Variants in TICRR observed in about 807,000 individuals in gnomAD.
The protein encoded by TICRR is treslin.
Under a neutral mutation model 178.1 loss-of-function variants are expected in TICRR, and 132 were observed. The observed-to-expected ratio is 0.74, with a 90% CI of 0.64 to 0.86. The LOEUF is 0.86. Ranked by LOEUF, TICRR falls within the 40% of genes least tolerant of loss-of-function variation. The pLI, the probability that TICRR is intolerant of heterozygous loss-of-function variation, is 0.00. For missense variants in TICRR, 2,587 were observed against 2,334.3 expected (o/e 1.11, Z -2.23); for synonymous variants, 991 against 900.7 (o/e 1.10, Z -1.79).
At chr15:89,594,625 T>C (rs1962966511) in intron 6 of TICRR, 71 bp downstream of exon 6, 2 of 1,356,872 alleles carry the variant, frequency 1.5e-6, no homozygotes, top group East Asian at 5.0e-5. Flanking sequence ...GATGGGCATT[T>C]CCTGAAATGA....
intron 15 of TICRR, among the ~76,000 whole-genome samples, chr15:89,609,942 T>G (rs1022900700): frequency 6.6e-6 from 1 of 152,240 alleles, no homozygotes; most frequent in Non-Finnish European, 1.5e-5. Flanking sequence ...ATGATTTGTT[T>G]TTGTTTTCAT....
chr15:89,618,729 G>T (rs1372774007), intron 17 of TICRR, among the ~76,000 whole-genome samples: 7 of 152,248 alleles, frequency 4.6e-5, no homozygotes, highest in Admixed American at 4.6e-4. Flanking sequence ...GGGAAGCCAA[G>T]TGGGGAGGAT....
In TICRR at chr15:89,618,180, G is replaced by A. The variant is rs1567050554; in HGVS notation, c.2989G>A (p.Val997Ile). ...RSSDPGPDIGVVEESPEKGDE... is the reference protein window; with the variant it reads ...RSSDPGPDIGIVEESPEKGDE... ...CTCTGATCCTGGTCCTGATATTGGT[G>A]TTGTTGAAGAGTCCCCTGAAAAAGG... Residue 997 changes from valine (V) to isoleucine (I), a missense_variant, in exon 17 of 22, where the codon GTT (valine) becomes ATT (isoleucine). By Grantham distance (29) the Val-to-Ile change is conservative. Coordinates refer to ENST00000268138, the MANE Select transcript of TICRR (RefSeq NM_152259.4). 6.2e-7 allele frequency: 1 copy of A among 1,614,162 alleles called. No individual in the cohort carries two copies. Among genetic ancestry groups the A allele is most frequent in the Non-Finnish European group, 8.5e-7 (1 of 1,180,014 alleles).
At chr15:89,604,502 A>G (rs1024987261) in intron 13 of TICRR, among the ~76,000 whole-genome samples, 6 of 152,246 alleles carry the variant, frequency 3.9e-5, no homozygotes, top group Admixed American at 1.3e-4. Context: ...GCCTGGGCGC[A>G]GTGGTTCATG....
chr15:89,605,775 G>C (rs1963166409), intron 13 of TICRR, among the ~76,000 whole-genome samples: 3 of 152,088 alleles, frequency 2.0e-5, no homozygotes, highest in Non-Finnish European at 2.9e-5. Flanking sequence ...ATATCACTGA[G>C]ACCATTTGTT....
chr15:89,578,243 A>G (rs1962660232), intron 1 of TICRR, among the ~76,000 whole-genome samples: 1 of 152,228 alleles, frequency 6.6e-6, no homozygotes, highest in Admixed American at 6.5e-5. Context: ...TCACTAACCC[A>G]GGAGTGAGTT....
At position 89,613,649 on chromosome 15, in the gene TICRR, T is replaced by C. The variant is rs562441059; in HGVS notation, c.2870-2756T>C. On this transcript the variant is annotated intron_variant, in intron 15 of 21. Coordinates refer to ENST00000268138, the MANE Select transcript of TICRR (RefSeq NM_152259.4). ...GACTGGATCATCTCAATTAACCTTG[T>C]CTTCAAATTTGTTGACTCTTTCTTT... is the stretch of plus-strand genomic sequence containing the variant. 3.3e-5 allele frequency among the ~76,000 whole-genome samples: 5 copies of C among 152,222 alleles called. No homozygotes were observed. In the South Asian group the frequency reaches 8.3e-4, roughly 25 times the overall value.
intron 3 of TICRR, among the ~76,000 whole-genome samples, chr15:89,584,885 C>G (rs987343381): frequency 6.6e-6 from 1 of 152,086 alleles, no homozygotes; most frequent in African/African-American, 2.4e-5. Context: ...GAAAAAGCTG[C>G]TACACAGTAA....
In TICRR at chr15:89,624,251, C is replaced by G. The variant is rs766049207; in HGVS notation, c.3941C>G (p.Ser1314Cys). The G allele has an allele frequency of 6.2e-7, 1 of 1,614,220 alleles. No individual in the cohort carries two copies. The highest frequency in any genetic ancestry group is 8.5e-7 in the Non-Finnish European group (1 of 1,180,050). Residue 1314 changes from serine (S) to cysteine (C), a missense_variant, in exon 20 of 22, where the codon TCT becomes TGT. Transcript: ENST00000268138. The part of the protein sequence containing the change: ...PPVTPKKLFT[S>C]PLCDVSKKSP... ...GTTACGCCAAAGAAACTGTTTACCT[C>G]TCCTTTATGTGATGTCTCCAAGAAG...
chr15:89,601,668 G>A, intron 11 of TICRR, 69 bp from the exon 12 acceptor site: 1 of 1,611,030 alleles, frequency 6.2e-7, no homozygotes, highest in East Asian at 2.2e-5. Context: ...TACTTTTTAG[G>A]CTGGGTGAGG....
Position 89,625,773 on chromosome 15 carries a change from G to C in TICRR, c.5463G>C (p.Glu1821Asp). 6.2e-7 allele frequency: 1 copy of C among 1,602,722 alleles called. No individual in the cohort carries two copies. The highest frequency in any genetic ancestry group is 2.2e-5 in the East Asian group (1 of 44,652). Residue 1821 changes from glutamate (E) to aspartate (D), a missense_variant, in exon 20 of 22, where the codon GAG becomes GAC. By Grantham distance (45) the Glu-to-Asp change is conservative. Coordinates refer to ENST00000268138, the MANE Select transcript of TICRR (RefSeq NM_152259.4). The stretch of plus-strand genomic sequence containing the variant: ...AGCTACCCTCCACGGGAGACGAAGA[G>C]GTGTTTGTTTCCGGTGAGTTCGTTT... ...AWQLPSTGDE[E>D]VFVSGSTPPP...
intron 14 of TICRR, 41 bp downstream of exon 14, chr15:89,606,866 GAC>G: frequency 3.2e-6 from 5 of 1,552,382 alleles, no homozygotes; most frequent in Non-Finnish European, 4.4e-6. Context: ...TCACTAGCAT[GAC>G]AACTTTATTT....
At chr15:89,602,996 A>C (rs946059515) in intron 13 of TICRR, 104 bp downstream of exon 13, 1 of 475,094 alleles carries the variant, frequency 2.1e-6, no homozygotes, top group Non-Finnish European at 3.6e-6. Context: ...AATAATATTA[A>C]ATATTTTTAT....
At chr15:89,576,737 C>A (rs1596036031) in intron 1 of TICRR, among the ~76,000 whole-genome samples, 2 of 151,120 alleles carry the variant, frequency 1.3e-5, no homozygotes, top group African/African-American at 4.9e-5. Context: ...GCACATCTCT[C>A]ACCCTCCATC....
intron 21 of TICRR, 65 bp downstream of exon 21, chr15:89,626,126 C>G: frequency 7.0e-6 from 11 of 1,582,372 alleles, no homozygotes. Flanking sequence ...CCAGGGTTGC[C>G]AGGCAGCTCG....
At chr15:89,611,155 A>C (rs1963250776) in intron 15 of TICRR, among the ~76,000 whole-genome samples, 2 of 151,926 alleles carry the variant, frequency 1.3e-5, no homozygotes, top group Admixed American at 1.3e-4. Flanking sequence ...GTTATTGTCT[A>C]CTACCTTTCA....
At position 89,584,323 on chromosome 15, in the gene TICRR, A is replaced by G; in HGVS notation, c.972A>G (p.Leu324=). Reference sequence around the variant, plus strand: ...TTCAAGAAACATGGACAGTCACCCTAGAGCCCTTGGCCATGCATCAGAGAC... The same window carrying G: ...TTCAAGAAACATGGACAGTCACCCTGGAGCCCTTGGCCATGCATCAGAGAC... The part of the protein sequence containing the change: ...KEIQETWTVT[L]EPLAMHQRHF... The change falls in exon 3 of 22, where the codon CTA becomes CTG. Residue 324 remains leucine, a synonymous_variant. Coordinates refer to ENST00000268138, the MANE Select transcript of TICRR (RefSeq NM_152259.4). 6.2e-7 allele frequency: 1 copy of G among 1,614,212 alleles called. No individual in the cohort carries two copies. The highest frequency in any genetic ancestry group is 1.1e-5 in the South Asian group (1 of 91,086).
Position 89,585,808 on chromosome 15 carries a change from A to G in TICRR, c.1277A>G (p.Glu426Gly), listed in dbSNP as rs1179239184. The change falls in exon 4 of 22, where the codon GAG (glutamate) becomes GGG (glycine). Residue 426 changes from glutamate (E) to glycine (G), a missense_variant. By Grantham distance (98) the Glu-to-Gly change is moderately conservative. Transcript: ENST00000268138. ...AMILTVCRTKEAEFQRHVLQT... is the reference protein window; with the variant it reads ...AMILTVCRTKGAEFQRHVLQT... ...ATCCTCACTGTGTGCCGCACCAAGG[A>G]GGCTGAATTTCAACGACATGTTCTC... 1 of 1,614,138 alleles carries G rather than the reference A, an allele frequency of 6.2e-7. No individual in the cohort carries two copies. Among genetic ancestry groups the G allele is most frequent in the South Asian group, 1.1e-5 (1 of 91,076 alleles).
At chr15:89,581,414 A>G (rs768316335) in intron 1 of TICRR, among the ~76,000 whole-genome samples, 1 of 152,182 alleles carries the variant, frequency 6.6e-6, no homozygotes, top group African/African-American at 2.4e-5. Flanking sequence ...AAGTTACTCA[A>G]TAAAAGTTTG....
Sources: gnomAD v4.1 joint callset for allele counts (sites outside exome capture counted in the v4.1 genomes callset) on GRCh38, gnomAD v4.1.1 for gene constraint, MANE v1.5 for transcripts, NCBI Gene and HGNC (gene_info 2026-07-23, HGNC 2026-07-21) for gene names.